MEIS2: variants seen among roughly 807,000 people sequenced by gnomAD.
MEIS2 encodes Meis homeobox 2, also known as homeobox protein Meis2.
In MEIS2, 9 loss-of-function variants were observed where a neutral mutation model predicts 58.6. The observed-to-expected ratio is 0.15, with a 90% CI of 0.09 to 0.27. The LOEUF (loss-of-function observed/expected upper bound fraction) is 0.27. Among genes scored for constraint, MEIS2 ranks in the 10% least tolerant of loss-of-function variants. The probability of loss-of-function intolerance (pLI) is 1.00; values close to 1 mark genes in which losing one functional copy is unlikely to be tolerated. For synonymous variants in MEIS2, 221 were observed against 228.4 expected, an observed-to-expected ratio of 0.97 and a Z score of 0.29; for missense variants, 427 against 635.0, an observed-to-expected ratio of 0.67 and a Z score of 3.52.
chr15:37,073,511 A>G (rs1890984807), intron 7 of MEIS2, among the ~76,000 whole-genome samples: 1 of 152,014 alleles, frequency 6.6e-6, no homozygotes, highest in Non-Finnish European at 1.5e-5. Context: ...ATCTTTGTGT[A>G]TTAAATTTAA....
At chr15:37,083,709 T>C in intron 7 of MEIS2, 62 bp downstream of exon 7, 1 of 1,412,248 alleles carries the variant, frequency 7.1e-7, no homozygotes, top group Non-Finnish European at 9.9e-7. Flanking sequence ...ACTGATATCA[T>C]AAAATACTGA....
chr15:36,961,086 G>C (rs991789390), intron 8 of MEIS2, among the ~76,000 whole-genome samples: 8 of 152,010 alleles, frequency 5.3e-5, no homozygotes, highest in African/African-American at 1.9e-4. Context: ...GACAGAGCAA[G>C]GTACTGCCAC....
chr15:37,063,240 A>AG (rs1321985076), intron 7 of MEIS2, among the ~76,000 whole-genome samples: 2 of 152,190 alleles, frequency 1.3e-5, no homozygotes, highest in African/African-American at 4.8e-5. Context: ...TATGTTGCTC[A>AG]GGGTGGACGC....
intron 8 of MEIS2, among the ~76,000 whole-genome samples, chr15:37,004,271 G>A (rs1458070114): frequency 6.6e-6 from 1 of 152,164 alleles, no homozygotes; most frequent in Non-Finnish European, 1.5e-5. Context: ...GGATAACTAA[G>A]GGCTTTTCTT....
At chr15:36,946,256 C>G (rs2058559349) in intron 9 of MEIS2, among the ~76,000 whole-genome samples, 1 of 151,738 alleles carries the variant, frequency 6.6e-6, no homozygotes, top group Admixed American at 6.6e-5. Flanking sequence ...AAAAAATAAC[C>G]TTCTTTGTCT....
Position 36,905,010 on chromosome 15 carries a change from T to C in MEIS2, c.978-8324A>G, listed in dbSNP as rs147747888. On this transcript the variant is annotated intron_variant, in intron 9 of 11. Transcript: ENST00000561208. ...ACACTGTGAGAAGTCATCAGCCACA[T>C]GTATGTAGGTATATGTATGTGTATT... is the stretch of plus-strand genomic sequence containing the variant. Among the ~76,000 whole-genome samples the C allele has an allele frequency of 1.6e-3, 241 of 151,266 alleles. 1 individual carries two copies. The highest frequency in any genetic ancestry group is 6.1e-3 in the South Asian group (29 of 4,718).
chr15:36,970,796 TAAATC>T (rs2059525962), intron 8 of MEIS2, among the ~76,000 whole-genome samples: 1 of 152,138 alleles, frequency 6.6e-6, no homozygotes, highest in Non-Finnish European at 1.5e-5. Context: ...AGAAATCAGA[TAAATC>T]AAACATGAGC....
At chr15:37,055,365 G>A (rs2063097039) in intron 7 of MEIS2, among the ~76,000 whole-genome samples, 1 of 152,122 alleles carries the variant, frequency 6.6e-6, no homozygotes, top group Non-Finnish European at 1.5e-5. Context: ...CATAGGCACT[G>A]ATGAAATACT....
At chr15:36,897,220 G>A (rs2141226772) in intron 9 of MEIS2, 1 of 155,318 alleles carries the variant, frequency 6.4e-6, no homozygotes, top group African/African-American at 2.4e-5. Context: ...AACTCCTGCA[G>A]TTTAAGCCTG....
chr15:36,960,746 T>G (rs762690002), intron 8 of MEIS2, among the ~76,000 whole-genome samples: 3 of 152,152 alleles, frequency 2.0e-5, no homozygotes, highest in Admixed American at 2.0e-4. Context: ...TGTTTAATTA[T>G]AGTCTCATAT....
intron 7 of MEIS2, among the ~76,000 whole-genome samples, chr15:37,079,161 T>C (rs1171371033): frequency 6.6e-6 from 1 of 152,096 alleles, no homozygotes; most frequent in African/African-American, 2.4e-5. Context: ...GCAATGTAAA[T>C]AGTCCATATA....
At chr15:36,967,541 C>T (rs1341677418) in intron 8 of MEIS2, among the ~76,000 whole-genome samples, 1 of 152,200 alleles carries the variant, frequency 6.6e-6, no homozygotes, top group Non-Finnish European at 1.5e-5. Context: ...GTACACAAGA[C>T]ATCAAATGGA....
intron 7 of MEIS2, among the ~76,000 whole-genome samples, chr15:37,057,666 A>G (rs1888614754): frequency 6.6e-6 from 1 of 152,122 alleles, no homozygotes; most frequent in Non-Finnish European, 1.5e-5. Flanking sequence ...ATAAATAAAT[A>G]AATAAAGTAA....
intron 8 of MEIS2, among the ~76,000 whole-genome samples, chr15:36,979,861 A>G (rs1224161864): frequency 1.4e-5 from 2 of 147,672 alleles, no homozygotes; most frequent in Non-Finnish European, 3.0e-5. Context: ...TCCATTTGTC[A>G]GTTTATATAA....
At chr15:37,041,133 T>G (rs1402309734) in intron 7 of MEIS2, among the ~76,000 whole-genome samples, 1 of 152,146 alleles carries the variant, frequency 6.6e-6, no homozygotes, top group Non-Finnish European at 1.5e-5. Flanking sequence ...AGTCTTCTGG[T>G]AGTAAGGGTT....
At chr15:36,963,136 A>C (rs2059242243) in intron 8 of MEIS2, among the ~76,000 whole-genome samples, 1 of 152,214 alleles carries the variant, frequency 6.6e-6, no homozygotes, top group South Asian at 2.1e-4. Context: ...ACACTTTGGG[A>C]GGCTGAGGTG....
At chr15:36,945,710 T>C (rs746326856) in intron 9 of MEIS2, among the ~76,000 whole-genome samples, 1 of 152,008 alleles carries the variant, frequency 6.6e-6, no homozygotes, top group Non-Finnish European at 1.5e-5. Context: ...AGACGTAGAA[T>C]GATTGTTGTG....
At chr15:37,057,703 C>T (rs1000873354) in intron 7 of MEIS2, among the ~76,000 whole-genome samples, 1 of 151,812 alleles carries the variant, frequency 6.6e-6, no homozygotes, top group East Asian at 1.9e-4. Context: ...CTTTACTAGG[C>T]TTTTTTGTCT....
chr15:36,968,097 G>A lies in MEIS2; in HGVS notation c.901-17697C>T, dbSNP rs1438000917. ...AGCCTGAACTCACCACTGATTTTGT[G>A]TGCCCAAGAAACAACTCTTTTGTGT... On this transcript the variant is annotated intron_variant, in intron 8 of 11. Transcript: ENST00000561208. Among the ~76,000 whole-genome samples the A allele has an allele frequency of 1.6e-4, 24 of 152,302 alleles. 1 individual carries two copies. The highest frequency in any genetic ancestry group is 1.5e-5 in the Non-Finnish European group (1 of 68,026).
Sources: allele counts gnomAD v4.1 joint callset (sites outside exome capture counted in the v4.1 genomes callset), GRCh38; gene constraint gnomAD v4.1.1; transcripts MANE v1.5; gene names NCBI Gene and HGNC (gene_info 2026-07-23, HGNC 2026-07-21).